The following SGCD variants were observed in gnomAD, a reference collection of about 807,000 sequenced individuals.
SGCD encodes sarcoglycan delta.
In SGCD, 18 loss-of-function variants were observed where a neutral mutation model predicts 36.6. The observed-to-expected ratio is 0.49, with a 90% CI of 0.34 to 0.73. The LOEUF (loss-of-function observed/expected upper bound fraction) is 0.73. SGCD is among the 30% of genes least tolerant of loss of function. The pLI is 0.01. For synonymous variants in SGCD, 133 were observed against 130.6 expected, an observed-to-expected ratio of 1.02 and a Z score of -0.12; for missense variants, 387 against 346.7, an observed-to-expected ratio of 1.12 and a Z score of -0.92.
In SGCD at chr5:156,270,029, C is replaced by A. The variant is rs571088534; in HGVS notation, c.-43-59505C>A. Among the ~76,000 whole-genome samples, 127 of 152,316 alleles carry A rather than the reference C, an allele frequency of 8.3e-4. 1 individual carries two copies. The highest frequency in any genetic ancestry group is 1.7e-3 in the Non-Finnish European group (115 of 68,024). On this transcript the variant is annotated intron_variant, in intron 3 of 9. Transcript: ENST00000517913. ...TGGGTTTTACATTTAAGTCTTTAAT[C>A]CATCTTAAGTTGATTTTTGTATTTG...
At chr5:156,671,153 C>T (rs1753272283) in intron 7 of SGCD, among the ~76,000 whole-genome samples, 1 of 149,354 alleles carries the variant, frequency 6.7e-6, no homozygotes, top group Non-Finnish European at 1.5e-5. Flanking sequence ...TAGTTTCTCT[C>T]AAGTTTCTTC....
chr5:155,965,822 GC>G (rs2113457179), intron 1 of SGCD, among the ~76,000 whole-genome samples: 1 of 152,180 alleles, frequency 6.6e-6, no homozygotes, highest in South Asian at 2.1e-4. Context: ...GAAGCAAGGA[GC>G]CCCCGACCCC....
the SGCD span, among the ~76,000 whole-genome samples, chr5:155,779,773 A>G: frequency 6.6e-6 from 1 of 152,174 alleles, no homozygotes; most frequent in Admixed American, 6.6e-5. Flanking sequence ...CAGTCCCCTC[A>G]GTAATTCTTG....
intron 4 of SGCD, among the ~76,000 whole-genome samples, chr5:156,574,537 T>C (rs1759845759): frequency 6.6e-6 from 1 of 152,082 alleles, no homozygotes; most frequent in Admixed American, 6.6e-5. Flanking sequence ...AATTCAGGGC[T>C]CTGTGCCTCC....
At chr5:156,749,004 A>T (rs1035402772) in intron 7 of SGCD, among the ~76,000 whole-genome samples, 3 of 152,062 alleles carry the variant, frequency 2.0e-5, no homozygotes, top group Admixed American at 2.0e-4. Flanking sequence ...ACTTCAGATG[A>T]TCTGCCCACC....
chr5:156,077,356 C>G (rs1410412244), intron 1 of SGCD, among the ~76,000 whole-genome samples: 1 of 152,114 alleles, frequency 6.6e-6, no homozygotes, highest in Non-Finnish European at 1.5e-5. Context: ...CTCTATAACC[C>G]CAGCCCTATA....
intron 1 of SGCD, among the ~76,000 whole-genome samples, chr5:156,085,551 T>G (rs552628317): frequency 2.0e-5 from 3 of 152,352 alleles, no homozygotes; most frequent in African/African-American, 7.2e-5. Flanking sequence ...TGCAGAACTG[T>G]GAGCCAATTA....
At chr5:156,756,717 A>G (rs780983679) in intron 7 of SGCD, among the ~76,000 whole-genome samples, 7 of 152,172 alleles carry the variant, frequency 4.6e-5, no homozygotes, top group African/African-American at 7.2e-5. Flanking sequence ...CTTACATACC[A>G]TAAAATTCAC....
At chr5:156,334,697 C>T (rs1768251505) in intron 2 of SGCD, among the ~76,000 whole-genome samples, 1 of 130,564 alleles carries the variant, frequency 7.7e-6, no homozygotes, top group Non-Finnish European at 1.5e-5. Context: ...ATATAATATT[C>T]GCTGGTGTTT....
At chr5:156,275,545 G>A (rs1011351628) in intron 3 of SGCD, among the ~76,000 whole-genome samples, 5 of 152,140 alleles carry the variant, frequency 3.3e-5, no homozygotes, top group Non-Finnish European at 5.9e-5. Flanking sequence ...TGCATGTTAC[G>A]ATGCATTAAT....
intron 7 of SGCD, among the ~76,000 whole-genome samples, chr5:156,752,485 C>T (rs576644201): frequency 2.6e-5 from 4 of 152,282 alleles, no homozygotes; most frequent in African/African-American, 7.2e-5. Context: ...CTCTGCCTCT[C>T]GGGTTCAAGC....
the SGCD span, among the ~76,000 whole-genome samples, chr5:155,833,495 A>G: frequency 6.6e-5 from 10 of 152,166 alleles, no homozygotes; most frequent in Non-Finnish European, 7.3e-5. Flanking sequence ...TCCACAAGCT[A>G]TGAGGGACCC....
chr5:155,814,332 C>T, the SGCD span, among the ~76,000 whole-genome samples: 73 of 152,332 alleles, frequency 4.8e-4, no homozygotes, highest in East Asian at 0.013. Flanking sequence ...TTATTTTAAA[C>T]TGTCACTTCT....
chr5:156,395,763 A>G (rs1175932128), intron 3 of SGCD, among the ~76,000 whole-genome samples: 1 of 152,182 alleles, frequency 6.6e-6, no homozygotes, highest in Non-Finnish European at 1.5e-5. Flanking sequence ...TTTCAGACAC[A>G]TATATATCTG....
At chr5:156,096,167 T>G (rs1289306147) in intron 1 of SGCD, among the ~76,000 whole-genome samples, 1 of 152,162 alleles carries the variant, frequency 6.6e-6, no homozygotes, top group Admixed American at 6.5e-5. Flanking sequence ...GGGGAGACCC[T>G]TTGCCCTGTC....
chr5:155,957,052 G>A (rs1472964848), intron 1 of SGCD, among the ~76,000 whole-genome samples: 1 of 151,966 alleles, frequency 6.6e-6, no homozygotes, highest in African/African-American at 2.4e-5. Flanking sequence ...GTGACAGAGG[G>A]TGATAGGAGT....
chr5:155,970,110 G>T (rs1043929497), intron 1 of SGCD, among the ~76,000 whole-genome samples: 1 of 152,058 alleles, frequency 6.6e-6, no homozygotes, highest in African/African-American at 2.4e-5. Context: ...CAGTCAAAGA[G>T]TGATAGTCTC....
intron 3 of SGCD, among the ~76,000 whole-genome samples, chr5:156,415,798 G>A (rs936062376): frequency 6.6e-6 from 1 of 152,038 alleles, no homozygotes; most frequent in African/African-American, 2.4e-5. Flanking sequence ...TCCTGCTTTT[G>A]GTGGATTTCA....
At chr5:156,176,422 T>A (rs1431819838) in intron 3 of SGCD, among the ~76,000 whole-genome samples, 13 of 152,204 alleles carry the variant, frequency 8.5e-5, no homozygotes. Context: ...CATTTTTTGA[T>A]ATGCTAGGAG....
Sources: gnomAD v4.1 joint callset for allele counts (sites outside exome capture counted in the v4.1 genomes callset) on GRCh38, gnomAD v4.1.1 for gene constraint, MANE v1.5 for transcripts, NCBI Gene and HGNC (gene_info 2026-07-23, HGNC 2026-07-21) for gene names.